The following LRMDA variants were observed in gnomAD, a reference collection of about 807,000 sequenced individuals.
The protein encoded by LRMDA is leucine-rich melanocyte differentiation-associated protein.
Under a neutral mutation model 29.8 loss-of-function variants are expected in LRMDA, and 18 were observed. The ratio of observed to expected loss-of-function variants is 0.60; its 90% CI spans 0.42 to 0.90. LRMDA has a LOEUF of 0.90. Among genes scored for constraint, LRMDA ranks in the 40% least tolerant of loss-of-function variants. LRMDA has a pLI of 0.00. For synonymous variants in LRMDA, 125 were observed against 109.4 expected, an observed-to-expected ratio of 1.14 and a Z score of -0.89; for missense variants, 273 against 273.9, an observed-to-expected ratio of 1.00 and a Z score of 0.02.
intron 2 of LRMDA, among the ~76,000 whole-genome samples, chr10:75,625,231 C>G (rs935533055): frequency 6.6e-6 from 1 of 152,172 alleles, no homozygotes. Context: ...CATACAAGCA[C>G]TGTTTTCAGC....
intron 2 of LRMDA, among the ~76,000 whole-genome samples, chr10:75,457,850 C>G (rs1176179201): frequency 6.6e-6 from 1 of 152,168 alleles, no homozygotes; most frequent in Non-Finnish European, 1.5e-5. Context: ...CTTTAAATCA[C>G]TAACACTACA....
At chr10:75,545,942 C>T (rs1840076643) in intron 2 of LRMDA, among the ~76,000 whole-genome samples, 1 of 152,122 alleles carries the variant, frequency 6.6e-6, no homozygotes, top group Admixed American at 6.5e-5. Context: ...TTATAACGAC[C>T]ATGAAACTCA....
At chr10:76,453,169 A>G (rs1211272080) in intron 6 of LRMDA, among the ~76,000 whole-genome samples, 4 of 152,204 alleles carry the variant, frequency 2.6e-5, no homozygotes, top group Non-Finnish European at 5.9e-5. Flanking sequence ...GCACAGTTCC[A>G]TAAAGCTCTT....
At chr10:76,341,390 TA>T (rs915863979) in intron 6 of LRMDA, among the ~76,000 whole-genome samples, 2 of 152,078 alleles carry the variant, frequency 1.3e-5, no homozygotes, top group African/African-American at 4.8e-5. Flanking sequence ...GGGGAAAAAA[TA>T]AGGATATGAA....
rs143405131 is a variant in LRMDA at position 75,974,841 on chromosome 10, A to G, written c.132-61167A>G. On this transcript the variant is annotated intron_variant, in intron 2 of 6. Coordinates refer to ENST00000611255, the MANE Select transcript of LRMDA (RefSeq NM_001305581.2). ...TGAGAGTTTACTAAATATATACCAT[A>G]GATAATAATTGCAGTATTATTAACA... is the stretch of plus-strand genomic sequence containing the variant. 2.0e-5 allele frequency among the ~76,000 whole-genome samples: 3 copies of G among 152,346 alleles called. No individual in the cohort carries two copies. In the East Asian group the frequency reaches 5.8e-4, roughly 29 times the overall value.
intron 5 of LRMDA, among the ~76,000 whole-genome samples, chr10:76,151,274 A>T (rs10740455): frequency 0.92 from 140,471 of 152,272 alleles, 64,892 homozygotes; most frequent in East Asian, 1. Flanking sequence ...GTACAGCTAT[A>T]TCAGCTTATT....
chr10:75,536,735 T>G (rs903587615), intron 2 of LRMDA, among the ~76,000 whole-genome samples: 1 of 152,128 alleles, frequency 6.6e-6, no homozygotes. Flanking sequence ...TCTTAAATTT[T>G]TTTTGTAGAG....
chr10:75,907,781 G>A (rs17435092), intron 2 of LRMDA, among the ~76,000 whole-genome samples: 17,534 of 152,164 alleles, frequency 0.12, 1,142 homozygotes, highest in Middle Eastern at 0.3. Context: ...CAAAACTTGC[G>A]TCTCAGAAGG....
rs1390450240 is a variant in LRMDA at position 76,558,217 on chromosome 10, A to C, written c.*929A>C. The C allele has an allele frequency of 6.6e-6, 1 of 152,160 alleles. No individual in the cohort carries two copies. Among genetic ancestry groups the C allele is most frequent in the African/African-American group, 2.4e-5 (1 of 41,416 alleles). 9.4% of individuals were successfully genotyped at this position (152,160 alleles called of 1,614,324 possible). A position where few individuals can be genotyped will look rare whatever the true frequency, so the allele number is the denominator to read the frequency against. On this transcript the variant is annotated 3_prime_UTR_variant, in exon 7 of 7. Coordinates refer to ENST00000611255, the MANE Select transcript of LRMDA (RefSeq NM_001305581.2). ...GGGCTGGCTTGCTCCTTTGGGTGCT[A>C]TTTAAAGGGAGTGAGGTGATGAAAG...
At chr10:76,303,209 C>T (rs201161242) in intron 5 of LRMDA, among the ~76,000 whole-genome samples, 8 of 142,830 alleles carry the variant, frequency 5.6e-5, no homozygotes, top group East Asian at 2.0e-4. Context: ...TTACACTCCT[C>T]CCTTTTTTTT....
At chr10:76,479,061 TAAATAA>T (rs1842709713) in intron 6 of LRMDA, among the ~76,000 whole-genome samples, 1 of 150,942 alleles carries the variant, frequency 6.6e-6, no homozygotes. Context: ...AATATATATA[TAAATAA>T]AAAAAGATCA....
chr10:75,869,915 T>C (rs1440283639), intron 2 of LRMDA, among the ~76,000 whole-genome samples: 2 of 152,216 alleles, frequency 1.3e-5, no homozygotes, highest in African/African-American at 2.4e-5. Context: ...TCTGTCATAC[T>C]CTATGTGCTT....
intron 6 of LRMDA, among the ~76,000 whole-genome samples, chr10:76,425,077 C>G (rs781448240): frequency 6.6e-6 from 1 of 152,176 alleles, no homozygotes; most frequent in African/African-American, 2.4e-5. Flanking sequence ...CGTGGAGATG[C>G]AATGCAGTGA....
intron 6 of LRMDA, among the ~76,000 whole-genome samples, chr10:76,542,895 T>C (rs758906325): frequency 7.9e-5 from 12 of 152,128 alleles, no homozygotes; most frequent in Non-Finnish European, 1.8e-4. Context: ...AGGATCTAGT[T>C]ATAGGGAAGG....
chr10:76,105,629 C>A (rs2132107588), intron 5 of LRMDA, among the ~76,000 whole-genome samples: 1 of 152,270 alleles, frequency 6.6e-6, no homozygotes, highest in East Asian at 1.9e-4. Flanking sequence ...CTGAAGCCAC[C>A]AGCAACTGGA....
chr10:76,245,180 A>G (rs551928944), intron 5 of LRMDA, among the ~76,000 whole-genome samples: 1 of 152,204 alleles, frequency 6.6e-6, no homozygotes, highest in South Asian at 2.1e-4. Context: ...AAAATATTGG[A>G]TGTTCTCTTA....
intron 5 of LRMDA, among the ~76,000 whole-genome samples, chr10:76,279,307 C>T (rs1046731589): frequency 9.9e-5 from 15 of 152,132 alleles, no homozygotes; most frequent in African/African-American, 3.1e-4. Context: ...CTGTTGATAA[C>T]GAATGTAAAG....
chr10:76,071,991 T>G (rs940535275), intron 5 of LRMDA, among the ~76,000 whole-genome samples: 10 of 152,100 alleles, frequency 6.6e-5, no homozygotes, highest in African/African-American at 2.4e-4. Context: ...TTTCCACAAC[T>G]CCAAAATGCT....
At chr10:75,886,842 G>T (rs1255486694) in intron 2 of LRMDA, among the ~76,000 whole-genome samples, 1 of 152,148 alleles carries the variant, frequency 6.6e-6, no homozygotes, top group Non-Finnish European at 1.5e-5. Context: ...TAAGTAAAGT[G>T]TCTCAGGTCA....
Sources: allele counts gnomAD v4.1 joint callset (sites outside exome capture counted in the v4.1 genomes callset), GRCh38; gene constraint gnomAD v4.1.1; transcripts MANE v1.5; gene names NCBI Gene and HGNC (gene_info 2026-07-23, HGNC 2026-07-21).